The following SUGCT variants were observed in gnomAD, a reference collection of about 807,000 sequenced individuals.
The protein encoded by SUGCT is succinyl-CoA:glutarate CoA-transferase.
A neutral mutation model predicts 55.0 loss-of-function variants in SUGCT; 41 were observed. That is an observed-to-expected ratio of 0.74 (90% CI 0.58 to 0.97). The LOEUF (loss-of-function observed/expected upper bound fraction) is 0.97. Ranked by LOEUF, SUGCT falls within the 50% of genes least tolerant of loss-of-function variation. SUGCT has a pLI of 0.00. For synonymous variants in SUGCT, 187 were observed against 200.4 expected (o/e 0.93, Z 0.56); for missense variants, 568 against 547.8 (o/e 1.04, Z -0.37).
intron 13 of SUGCT, among the ~76,000 whole-genome samples, chr7:40,766,033 G>T (rs1054876599): frequency 6.6e-6 from 1 of 151,806 alleles, no homozygotes; most frequent in Non-Finnish European, 1.5e-5. Context: ...AGTTTATTTC[G>T]GTGCTCTCCT....
chr7:40,500,044 A>G (rs1479997604), intron 12 of SUGCT, among the ~76,000 whole-genome samples: 1 of 152,196 alleles, frequency 6.6e-6, no homozygotes, highest in Admixed American at 6.5e-5. Context: ...TAAAAGCATC[A>G]TTGTCTACGT....
intron 12 of SUGCT, among the ~76,000 whole-genome samples, chr7:40,727,531 G>T (rs1041526046): frequency 1.3e-5 from 2 of 152,092 alleles, no homozygotes; most frequent in East Asian, 3.9e-4. Context: ...AAACATTGTT[G>T]TGTACTTCAT....
rs140988804 is a variant in SUGCT, at chr7:40,325,982, T to C, written c.816+9127T>C. Among the ~76,000 whole-genome samples, 1,029 of 151,852 alleles carry C rather than the reference T, an allele frequency of 6.8e-3. 5 individuals are homozygous for C. Among genetic ancestry groups the C allele is most frequent in the Non-Finnish European group, 9.8e-3 (668 of 67,950 alleles). On this transcript the variant is annotated intron_variant, in intron 9 of 13. Transcript: ENST00000335693. Reference sequence around the variant, plus strand: ...TCTTTAACAAATGTCAAGTTTATTATGATTCTAGTGGGTACCAAACCTAAT... The same window carrying C: ...TCTTTAACAAATGTCAAGTTTATTACGATTCTAGTGGGTACCAAACCTAAT...
In SUGCT at chr7:40,460,540, T is replaced by C. The variant is rs563087252; in HGVS notation, c.986+1342T>C. 7.2e-5 allele frequency among the ~76,000 whole-genome samples: 11 copies of C among 152,342 alleles called. No homozygotes were observed. The East Asian group carries it at 1.7e-3, about 24-fold the overall frequency. ...CACGATGGTTACCAAGTTTCAATAATAGCCACTTGTGAGAACCTTATCAGA... is the reference window on the plus strand; with the variant it reads ...CACGATGGTTACCAAGTTTCAATAACAGCCACTTGTGAGAACCTTATCAGA... On this transcript the variant is annotated intron_variant, in intron 11 of 13. Coordinates refer to ENST00000335693, the MANE Select transcript of SUGCT (RefSeq NM_001193313.2).
intron 13 of SUGCT, among the ~76,000 whole-genome samples, chr7:40,823,398 A>G (rs1471330091): frequency 6.6e-6 from 1 of 151,522 alleles, no homozygotes; most frequent in Non-Finnish European, 1.5e-5. Flanking sequence ...TTTTTTTTTC[A>G]TTTAAAAATA....
the SUGCT span, among the ~76,000 whole-genome samples, chr7:40,959,900 C>T: frequency 6.6e-6 from 1 of 152,108 alleles, no homozygotes; most frequent in Non-Finnish European, 1.5e-5. Context: ...AGGCACAGTC[C>T]CTCACGGCTT....
At chr7:40,353,108 T>G (rs1368186335) in intron 9 of SUGCT, among the ~76,000 whole-genome samples, 4 of 152,186 alleles carry the variant, frequency 2.6e-5, no homozygotes, top group Non-Finnish European at 5.9e-5. Flanking sequence ...GCCCACTTTT[T>G]AATGGGGTTG....
intron 12 of SUGCT, among the ~76,000 whole-genome samples, chr7:40,516,446 G>T (rs1362305508): frequency 6.6e-6 from 1 of 152,116 alleles, no homozygotes; most frequent in Non-Finnish European, 1.5e-5. Flanking sequence ...TTAGGAATAT[G>T]TTTTATTCTA....
At chr7:40,728,471 A>ATTGC (rs1456928518) in intron 12 of SUGCT, among the ~76,000 whole-genome samples, 1 of 152,158 alleles carries the variant, frequency 6.6e-6, no homozygotes, top group African/African-American at 2.4e-5. Flanking sequence ...GTGAGTCGAG[A>ATTGC]TTGCACCTTT....
chr7:40,709,739 C>T (rs537276114), intron 12 of SUGCT, among the ~76,000 whole-genome samples: 1 of 152,298 alleles, frequency 6.6e-6, no homozygotes, highest in African/African-American at 2.4e-5. Context: ...GATGGTTTCT[C>T]CGTAGTGGTT....
At chr7:40,160,436 T>A (rs1784091089) in intron 1 of SUGCT, among the ~76,000 whole-genome samples, 1 of 151,922 alleles carries the variant, frequency 6.6e-6, no homozygotes, top group East Asian at 1.9e-4. Flanking sequence ...ACCATGTTGG[T>A]CAGGCTGGTC....
the SUGCT span, among the ~76,000 whole-genome samples, chr7:40,976,818 A>C: frequency 6.6e-6 from 1 of 152,226 alleles, no homozygotes; most frequent in Non-Finnish European, 1.5e-5. Flanking sequence ...GCAACAGTCA[A>C]ATGAGCTGCA....
intron 12 of SUGCT, among the ~76,000 whole-genome samples, chr7:40,735,926 G>A (rs1787130624): frequency 6.6e-6 from 1 of 151,902 alleles, no homozygotes; most frequent in Non-Finnish European, 1.5e-5. Flanking sequence ...GTTTAATGTG[G>A]TTCTATTTCA....
At chr7:40,692,321 C>G (rs1784735156) in intron 12 of SUGCT, among the ~76,000 whole-genome samples, 1 of 152,180 alleles carries the variant, frequency 6.6e-6, no homozygotes, top group Non-Finnish European at 1.5e-5. Flanking sequence ...ACATTTAAGT[C>G]TTCCCCTGAG....
intron 11 of SUGCT, among the ~76,000 whole-genome samples, chr7:40,480,479 CA>C (rs1321010935): frequency 6.6e-6 from 1 of 152,082 alleles, no homozygotes; most frequent in Non-Finnish European, 1.5e-5. Context: ...TTTTCCTGCT[CA>C]AGATTGCTTT....
chr7:41,015,636 C>T, the SUGCT span, among the ~76,000 whole-genome samples: 6 of 152,092 alleles, frequency 3.9e-5, no homozygotes, highest in Non-Finnish European at 4.4e-5. Flanking sequence ...CAAATGGTAA[C>T]GGGCATCAGG....
intron 12 of SUGCT, among the ~76,000 whole-genome samples, chr7:40,682,912 T>A (rs1290146375): frequency 6.6e-6 from 1 of 152,202 alleles, no homozygotes; most frequent in Non-Finnish European, 1.5e-5. Flanking sequence ...TGTTTGAAAA[T>A]GAAAGGTCAG....
chr7:40,624,648 C>T (rs148870380), intron 12 of SUGCT, among the ~76,000 whole-genome samples: 16 of 152,066 alleles, frequency 1.1e-4, no homozygotes, highest in African/African-American at 3.4e-4. Flanking sequence ...TTTTAAACTG[C>T]GATGGTTAGA....
chr7:40,240,983 G>A (rs991891307), intron 7 of SUGCT, among the ~76,000 whole-genome samples: 31 of 152,278 alleles, frequency 2.0e-4, no homozygotes, highest in Admixed American at 1.8e-3. Context: ...CCAAAAGAAG[G>A]GCAGTGTCAC....
Sources: allele counts gnomAD v4.1 joint callset (sites outside exome capture counted in the v4.1 genomes callset), GRCh38; gene constraint gnomAD v4.1.1; transcripts MANE v1.5; gene names NCBI Gene and HGNC (gene_info 2026-07-23, HGNC 2026-07-21).